Variants in DMBX1 observed in about 807,000 individuals in gnomAD.
DMBX1 encodes diencephalon/mesencephalon homeobox 1.
In DMBX1, 7 loss-of-function variants were observed where a neutral mutation model predicts 30.4. That is an observed-to-expected ratio of 0.23 (90% confidence interval 0.13 to 0.43). DMBX1 has a LOEUF of 0.43. DMBX1 is among the 20% of genes least tolerant of loss of function. DMBX1 has a pLI of 1.00. For synonymous variants in DMBX1, 222 were observed against 214.2 expected (o/e 1.04, Z -0.32); for missense variants, 460 against 508.5 (o/e 0.90, Z 0.92).
rs942204069 is a variant in DMBX1, at chr1:46,495,102, G to A, written c.-13+4319G>A. Among the ~76,000 whole-genome samples, 6 of 152,218 alleles carry A rather than the reference G, an allele frequency of 3.9e-5. No individual in the cohort carries two copies. In the East Asian group the frequency reaches 7.7e-4, roughly 20 times the overall value. ...CAGGGCAGAGCAGGCAGGGTGAAGA[G>A]GAAACTTTGGACATTGGCCCACTCT... On this transcript the variant is annotated intron_variant, in intron 2 of 5. Transcript: ENST00000360032.
In DMBX1 at chr1:46,511,164, C is replaced by T. The variant is rs775771809; in HGVS notation, c.563C>T (p.Pro188Leu). The change falls in exon 5 of 6, where the codon CCC becomes CTC. Residue 188 changes from proline (P) to leucine (L), a missense_variant. Physicochemically the swap from Pro to Leu is moderately conservative, Grantham distance 98. Around this residue, in one of 3 missense-constraint regions of DMBX1, gnomAD observed 334 missense variants for 345.1 expected, o/e 0.97. Coordinates refer to ENST00000360032, the MANE Select transcript of DMBX1 (RefSeq NM_172225.2). The stretch of plus-strand genomic sequence containing the variant: ...GAGCAGTCAGCCAGTGAGTCAGCCC[C>T]CGAGGATCAGCCGGACCGTGAGGAG... ...LSEQSASESA[P>L]EDQPDREEDP... 2 of 1,613,870 alleles carry T rather than the reference C, an allele frequency of 1.2e-6. No homozygotes were observed. Among genetic ancestry groups the T allele is most frequent in the Admixed American group, 3.3e-5 (2 of 60,030 alleles).
Position 46,497,841 on chromosome 1 carries a change from A to G in DMBX1, c.-13+7058A>G, listed in dbSNP as rs537681256. ...GATCTGCTTGCTTAATGAAATATAAAGATTCTTTTAACCAATGTAAGCACA... is the reference window on the plus strand; with the variant it reads ...GATCTGCTTGCTTAATGAAATATAAGGATTCTTTTAACCAATGTAAGCACA... On this transcript the variant is annotated intron_variant, in intron 2 of 5. Coordinates refer to ENST00000360032, the MANE Select transcript of DMBX1 (RefSeq NM_172225.2). Among the ~76,000 whole-genome samples the G allele has an allele frequency of 1.4e-4, 22 of 152,382 alleles. No individual in the cohort carries two copies. The South Asian group carries it at 3.5e-3, about 24-fold the overall frequency.
chr1:46,492,414 C>T (rs1295682797), intron 2 of DMBX1, among the ~76,000 whole-genome samples: 12 of 152,222 alleles, frequency 7.9e-5, no homozygotes, highest in Admixed American at 3.9e-4. Flanking sequence ...AATAAAGTTT[C>T]CACCCTCTCC....
In DMBX1 at chr1:46,510,860, C is replaced by T. The variant is rs1394626595; in HGVS notation, c.334-75C>T. The T allele has an allele frequency of 6.9e-7, 1 of 1,451,684 alleles. No homozygotes were observed. Among genetic ancestry groups the T allele is most frequent in the Non-Finnish European group, 9.2e-7 (1 of 1,083,644 alleles). The allele number at this position is 1,451,684 out of a possible 1,614,324, so 89.9% of individuals were successfully genotyped here. ...GGGGGGATGTTATCACGTACATCCT[C>T]TCCCAGAGCACCCTGCTCCACACCA... is the stretch of plus-strand genomic sequence containing the variant. On this transcript the variant is annotated intron_variant, in intron 4 of 5. Transcript: ENST00000360032. The surrounding 1 kb of genome is among the most constrained non-coding windows in gnomAD (Gnocchi z 4.1).
At chr1:46,494,329 C>G (rs1215293680) in intron 2 of DMBX1, among the ~76,000 whole-genome samples, 1 of 152,220 alleles carries the variant, frequency 6.6e-6, no homozygotes, top group African/African-American at 2.4e-5. Context: ...AAAATTAACT[C>G]CAGCCGCCTG....
intron 2 of DMBX1, among the ~76,000 whole-genome samples, chr1:46,495,491 G>T (rs1281652683): frequency 6.6e-6 from 1 of 152,138 alleles, no homozygotes; most frequent in South Asian, 2.1e-4. Context: ...GTCAAATGGG[G>T]ATTATGAGGT....
rs956304877 is a variant in DMBX1, at chr1:46,493,329, C to T, written c.-13+2546C>T. ...AGTGCCTCTCCTGTCTGACCTTGAG[C>T]GAGTCTCAGTTTCCCTTTCTGTAAG... On this transcript the variant is annotated intron_variant, in intron 2 of 5. Coordinates refer to ENST00000360032, the MANE Select transcript of DMBX1 (RefSeq NM_172225.2). This position sits in a 1 kb window ranked among gnomAD's most constrained non-coding sequence, Gnocchi z 4.1. Among the ~76,000 whole-genome samples, 2 of 152,204 alleles carry T rather than the reference C, an allele frequency of 1.3e-5. No individual in the cohort carries two copies. The highest frequency in any genetic ancestry group is 2.4e-5 in the African/African-American group (1 of 41,462).
chr1:46,512,544 C>T lies in DMBX1; in HGVS notation c.*50C>T. On this transcript the variant is annotated 3_prime_UTR_variant, in exon 6 of 6. Transcript: ENST00000360032. This position sits in a 1 kb window ranked among gnomAD's most constrained non-coding sequence, Gnocchi z 4.8. ...GGGTCTTAGGTGTCCCCTCCTAGCC[C>T]TGTGGTTATCCCTAGGTGGCTCTCG... 6.4e-7 allele frequency: 1 copy of T among 1,555,056 alleles called. No homozygotes were observed. The highest frequency in any genetic ancestry group is 8.7e-7 in the Non-Finnish European group (1 of 1,148,152).
intron 3 of DMBX1, among the ~76,000 whole-genome samples, chr1:46,509,524 G>A (rs746721376): frequency 7.9e-5 from 12 of 152,176 alleles, no homozygotes; most frequent in Middle Eastern, 3.2e-3. Context: ...TGAGGAGAGC[G>A]GTTACTGTCT....
chr1:46,498,071 G>C (rs1280751139), intron 2 of DMBX1, among the ~76,000 whole-genome samples: 1 of 152,200 alleles, frequency 6.6e-6, no homozygotes, highest in Non-Finnish European at 1.5e-5. Context: ...TCCAGCCTGG[G>C]GGGGCCTCCC....
intron 2 of DMBX1, among the ~76,000 whole-genome samples, chr1:46,504,887 TCC>T: frequency 6.6e-6 from 1 of 151,824 alleles, no homozygotes; most frequent in Non-Finnish European, 1.5e-5. Flanking sequence ...CTCTTTTATT[TCC>T]TTGAGCAGTG....
Position 46,512,502 on chromosome 1 carries a change from G to C in DMBX1, c.*8G>C. On this transcript the variant is annotated 3_prime_UTR_variant, in exon 6 of 6. Transcript: ENST00000360032. The surrounding 1 kb of genome is among the most constrained non-coding windows in gnomAD (Gnocchi z 4.8). Reference sequence around the variant, plus strand: ...GATACGCTGCCCAACTGACTGTCTGGCTTCCAACCCAGCCAGGGGTCTTAG... The same window carrying C: ...GATACGCTGCCCAACTGACTGTCTGCCTTCCAACCCAGCCAGGGGTCTTAG... 6.2e-7 allele frequency: 1 copy of C among 1,601,750 alleles called. No individual in the cohort carries two copies. Among genetic ancestry groups the C allele is most frequent in the Non-Finnish European group, 8.5e-7 (1 of 1,172,180 alleles).
chr1:46,494,065 T>TCGGCTCCGCCCA (rs1665982752), intron 2 of DMBX1, among the ~76,000 whole-genome samples: 1 of 152,330 alleles, frequency 6.6e-6, no homozygotes, highest in South Asian at 2.1e-4. Flanking sequence ...CTGCTCCATC[T>TCGGCTCCGCCCA]CGGCTCCGCC....
Position 46,512,338 on chromosome 1 carries a change from C to G in DMBX1, c.978C>G (p.His326Gln), listed in dbSNP as rs1352977340. The change falls in exon 6 of 6, where the codon CAC (histidine) becomes CAG (glutamine). Residue 326 changes from histidine (H) to glutamine (Q), a missense_variant. His to Gln is a conservative substitution (Grantham distance 24). Around this residue, in one of 3 missense-constraint regions of DMBX1, gnomAD observed 334 missense variants for 345.1 expected, o/e 0.97. Coordinates refer to ENST00000360032, the MANE Select transcript of DMBX1 (RefSeq NM_172225.2). This position sits in a 1 kb window ranked among gnomAD's most constrained non-coding sequence, Gnocchi z 4.8. ...YQSLSAAAAAHQGVWGSPLLP... is the reference protein window; with the variant it reads ...YQSLSAAAAAQQGVWGSPLLP... ...CCCTGTCAGCAGCCGCTGCTGCCCA[C>G]CAGGGTGTGTGGGGGTCTCCTCTGC... is the stretch of plus-strand genomic sequence containing the variant. The G allele has an allele frequency of 6.2e-7, 1 of 1,613,968 alleles. No individual in the cohort carries two copies. Among genetic ancestry groups the G allele is most frequent in the Non-Finnish European group, 8.5e-7 (1 of 1,179,982 alleles).
rs1666395683 is a variant in DMBX1, at chr1:46,512,315, C to T, written c.955C>T (p.Leu319=). 1 of 1,613,714 alleles carries T rather than the reference C, an allele frequency of 6.2e-7. No homozygotes were observed. The highest frequency in any genetic ancestry group is 8.5e-7 in the Non-Finnish European group (1 of 1,179,912). ...GCACTGCCAGTCCTACTACCAGTCC[C>T]TGTCAGCAGCCGCTGCTGCCCACCA... ...SLHCQSYYQS[L]SAAAAAHQGV... Residue 319 remains leucine (L), a synonymous_variant, in exon 6 of 6, where the codon CTG becomes TTG. Coordinates refer to ENST00000360032, the MANE Select transcript of DMBX1 (RefSeq NM_172225.2). This position sits in a 1 kb window ranked among gnomAD's most constrained non-coding sequence, Gnocchi z 4.8.
At chr1:46,505,710 C>T (rs1666220568) in intron 2 of DMBX1, among the ~76,000 whole-genome samples, 1 of 151,444 alleles carries the variant, frequency 6.6e-6, no homozygotes, top group South Asian at 2.1e-4. Context: ...TGTAACTAAC[C>T]TGCACAATGT....
At chr1:46,500,780 T>TTTAGC (rs1481106442) in intron 2 of DMBX1, among the ~76,000 whole-genome samples, 17 of 152,208 alleles carry the variant, frequency 1.1e-4, no homozygotes, top group Non-Finnish European at 2.1e-4. Context: ...CACATACAGA[T>TTTAGC]ACACATCATT....
chr1:46,507,812 G>T (rs1666270023), intron 3 of DMBX1, among the ~76,000 whole-genome samples: 1 of 152,142 alleles, frequency 6.6e-6, no homozygotes, highest in Non-Finnish European at 1.5e-5. Context: ...TCTTCTCTGA[G>T]CCTCAGTTTC....
At chr1:46,492,522 A>G (rs1188329911) in intron 2 of DMBX1, among the ~76,000 whole-genome samples, 1 of 151,986 alleles carries the variant, frequency 6.6e-6, no homozygotes, top group East Asian at 1.9e-4. Flanking sequence ...CTGAGGAGCA[A>G]CCAATCTGGT....
Sources: gnomAD v4.1 joint callset for allele counts (sites outside exome capture counted in the v4.1 genomes callset) on GRCh38, gnomAD v4.1.1 for gene constraint, gnomAD v4.1.1 regional missense constraint, Gnocchi (gnomAD v3.1) non-coding constraint, MANE v1.5 for transcripts, NCBI Gene and HGNC (gene_info 2026-07-23, HGNC 2026-07-21) for gene names.